Variants in IFT122 observed in about 807,000 individuals in gnomAD.
IFT122 encodes the protein intraflagellar transport 122.
In IFT122, 118 loss-of-function variants were observed where a neutral mutation model predicts 161.6. That is an observed-to-expected ratio of 0.73 (90% CI 0.63 to 0.85). The LOEUF (loss-of-function observed/expected upper bound fraction) is 0.85. Ranked by LOEUF, IFT122 falls within the 40% of genes least tolerant of loss-of-function variation. The pLI is 0.00. For synonymous variants in IFT122, 550 were observed against 602.4 expected (o/e 0.91, Z 1.27); for missense variants, 1,381 against 1,579.6 (o/e 0.87, Z 2.13).
chr3:129,507,092 C>A (rs2108586289), intron 22 of IFT122, among the ~76,000 whole-genome samples: 1 of 152,290 alleles, frequency 6.6e-6, no homozygotes, highest in South Asian at 2.1e-4. Context: ...TGACTTGTAG[C>A]AAGTCACAAT....
chr3:129,476,549 G>A, intron 10 of IFT122, 43 bp downstream of exon 10: 4 of 1,613,640 alleles, frequency 2.5e-6, no homozygotes, highest in Non-Finnish European at 2.5e-6. Context: ...GGCTTGAAGA[G>A]GCACTGAGCA....
intron 1 of IFT122, among the ~76,000 whole-genome samples, chr3:129,445,497 A>G (rs927816148): frequency 1.3e-5 from 2 of 152,232 alleles, no homozygotes; most frequent in Non-Finnish European, 2.9e-5. Flanking sequence ...GAGTTAATAC[A>G]TGTAAAGCAT....
rs142790941 is a variant in IFT122 at position 129,486,101 on chromosome 3, A to G, written c.1852-2156A>G. Among the ~76,000 whole-genome samples, 21 of 152,334 alleles carry G rather than the reference A, an allele frequency of 1.4e-4. No homozygotes were observed. In the East Asian group the frequency reaches 4.0e-3, roughly 29 times the overall value. ...CAGCAAGATAAAGTATAGCTCAGAG[A>G]GTATTTGTTCAGTGGGGTCTATTTT... On this transcript the variant is annotated intron_variant, in intron 15 of 29. Coordinates refer to ENST00000348417, the MANE Select transcript of IFT122 (RefSeq NM_052989.3).
At chr3:129,514,675 G>GC in intron 25 of IFT122, 121 bp downstream of exon 25, 2 of 1,164,020 alleles carry the variant, frequency 1.7e-6, no homozygotes, top group Non-Finnish European at 1.3e-6. Flanking sequence ...TAGGCTCTGT[G>GC]CCCCCTGCTC....
chr3:129,512,327 G>A lies in IFT122; in HGVS notation c.2902G>A (p.Val968Ile). ...IHRHTEDPFS[V>I]HRPETLFNIS... ...CTCACTGCAGGAAGATCCGTTCAGT[G>A]TCCATCGTCCTGAAACTCTTTTCAA... The change falls in exon 24 of 30, where the codon GTC becomes ATC. Residue 968 changes from valine (V) to isoleucine (I), a missense_variant. Coordinates refer to ENST00000348417, the MANE Select transcript of IFT122 (RefSeq NM_052989.3). 1 of 1,613,730 alleles carries A rather than the reference G, an allele frequency of 6.2e-7. No individual in the cohort carries two copies. The highest frequency in any genetic ancestry group is 8.5e-7 in the Non-Finnish European group (1 of 1,179,606).
intron 4 of IFT122, among the ~76,000 whole-genome samples, chr3:129,460,454 T>G (rs1211624633): frequency 6.6e-6 from 1 of 152,160 alleles, no homozygotes; most frequent in Non-Finnish European, 1.5e-5. Context: ...ATTATTATTT[T>G]TTTTTATGAA....
At chr3:129,460,978 C>T (rs2076154283) in intron 4 of IFT122, 1 of 1,579,174 alleles carries the variant, frequency 6.3e-7, no homozygotes, top group Non-Finnish European at 8.7e-7. Flanking sequence ...TTGCTTGAGG[C>T]CAAGCGTTCA....
intron 26 of IFT122, among the ~76,000 whole-genome samples, chr3:129,516,485 T>C (rs1410510821): frequency 1.4e-4 from 12 of 87,484 alleles, no homozygotes; most frequent in African/African-American, 4.4e-4. Flanking sequence ...ACATGGAGAC[T>C]GCCCCTGCAC....
rs1355103989 is a variant in IFT122, at chr3:129,488,235, T to C, written c.1852-22T>C. Reference sequence around the variant, plus strand: ...TGGCTCTGAAAACAGTCTTCTTTTTTTCCCTTGATGAAATCCTGCAGTCCG... The same window carrying C: ...TGGCTCTGAAAACAGTCTTCTTTTTCTCCCTTGATGAAATCCTGCAGTCCG... On this transcript the variant is annotated intron_variant, in intron 15 of 29. Coordinates refer to ENST00000348417, the MANE Select transcript of IFT122 (RefSeq NM_052989.3). 2 of 1,614,078 alleles carry C rather than the reference T, an allele frequency of 1.2e-6. No individual in the cohort carries two copies. The highest frequency in any genetic ancestry group is 1.7e-6 in the Non-Finnish European group (2 of 1,179,984).
At chr3:129,456,386 C>A (rs749623757) in intron 3 of IFT122, 100 of 780,564 alleles carry the variant, frequency 1.3e-4, no homozygotes, top group Non-Finnish European at 1.7e-4. Flanking sequence ...TGCTTGTGAT[C>A]TCAGCACTTT....
chr3:129,488,744 G>C (rs527659647), intron 16 of IFT122, among the ~76,000 whole-genome samples: 24 of 152,060 alleles, frequency 1.6e-4, no homozygotes, highest in Admixed American at 8.5e-4. Flanking sequence ...TAGTAGCCTG[G>C]CACATCACAG....
Position 129,488,344 on chromosome 3 carries a change from C to A in IFT122, c.1939C>A (p.Arg647Ser), listed in dbSNP as rs761881670. ...ACLGVTDTDW[R>S]ELAMEALEGL... ...CTTGGGTGTCACAGACACTGATTGG[C>A]GTGAACTGGCCATGGAAGCGCTAGA... Residue 647 changes from arginine (R) to serine (S), a missense_variant, in exon 16 of 30, where the codon CGT (arginine) becomes AGT (serine). Transcript: ENST00000348417. 1.2e-6 allele frequency: 2 copies of A among 1,614,140 alleles called. No individual in the cohort carries two copies. The highest frequency in any genetic ancestry group is 1.7e-5 in the Admixed American group (1 of 60,024).
intron 18 of IFT122, 62 bp downstream of exon 18, chr3:129,495,669 G>A (rs2080750789): frequency 1.3e-6 from 2 of 1,578,446 alleles, no homozygotes; most frequent in African/African-American, 1.3e-5. Context: ...CTCACGTGCG[G>A]TGTCCAAGTT....
Position 129,502,999 on chromosome 3 carries a change from G to C in IFT122, c.2547+117G>C, listed in dbSNP as rs563847138. 1.5e-4 allele frequency: 138 copies of C among 929,722 alleles called. No individual in the cohort carries two copies. The African/African-American group carries it at 1.9e-3, about 13-fold the overall frequency. 57.6% of individuals were successfully genotyped at this position (929,722 alleles called of 1,614,324 possible). On this transcript the variant is annotated intron_variant, in intron 20 of 29. Transcript: ENST00000348417. ...AGAGAAGCTGCCCTCGTGATGGAAG[G>C]AACATTGGGCTGGCAGTCAGGTAAC...
intron 23 of IFT122, among the ~76,000 whole-genome samples, chr3:129,511,462 A>C (rs2082818980): frequency 6.6e-6 from 1 of 152,094 alleles, no homozygotes; most frequent in Non-Finnish European, 1.5e-5. Context: ...GCCTCACAAG[A>C]CCCTTCTTAA....
chr3:129,479,716 A>T (rs2078406364), intron 12 of IFT122, 69 bp from the exon 13 acceptor site: 2 of 1,592,954 alleles, frequency 1.3e-6, no homozygotes, highest in Non-Finnish European at 1.7e-6. Context: ...GGACAGAAAG[A>T]TCTCCTTGGG....
At chr3:129,480,598 G>A (rs1360899659) in intron 13 of IFT122, among the ~76,000 whole-genome samples, 1 of 152,206 alleles carries the variant, frequency 6.6e-6, no homozygotes, top group Admixed American at 6.5e-5. Flanking sequence ...GGAAGTCACA[G>A]GGCATGAGAG....
intron 13 of IFT122, 137 bp downstream of exon 13, chr3:129,480,059 C>T (rs2078455437): frequency 3.6e-6 from 4 of 1,125,078 alleles, no homozygotes; most frequent in Non-Finnish European, 5.3e-6. Context: ...TGTGGGGCAG[C>T]CTGAGTTCAG....
At chr3:129,476,925 C>A in intron 11 of IFT122, 124 bp downstream of exon 11, 5 of 1,107,078 alleles carry the variant, frequency 4.5e-6, no homozygotes, top group South Asian at 1.3e-5. Context: ...CTGTTAGCCA[C>A]TGGGTCTGTG....
Sources: allele counts gnomAD v4.1 joint callset (sites outside exome capture counted in the v4.1 genomes callset), GRCh38; gene constraint gnomAD v4.1.1; transcripts MANE v1.5; gene names NCBI Gene and HGNC (gene_info 2026-07-23, HGNC 2026-07-21).